Variants in LTN1 observed in about 807,000 individuals in gnomAD.
The protein encoded by LTN1 is listerin E3 ubiquitin protein ligase 1, also known as E3 ubiquitin-protein ligase listerin.
LTN1 carries 88 observed loss-of-function variants against 201.2 expected under a neutral mutation model. The ratio of observed to expected loss-of-function variants is 0.44; its 90% CI spans 0.37 to 0.52. LTN1 has a LOEUF of 0.52. LTN1 is among the 20% of genes least tolerant of loss of function. The pLI is 0.00. For missense variants in LTN1, 1,752 were observed against 2,038.7 expected (o/e 0.86, Z 2.71); for synonymous variants, 645 against 713.5 (o/e 0.90, Z 1.53).
chr21:28,940,509 T>C (rs1294204362), intron 25 of LTN1, among the ~76,000 whole-genome samples: 1 of 152,016 alleles, frequency 6.6e-6, no homozygotes, highest in Non-Finnish European at 1.5e-5. Flanking sequence ...TCAAGTAAGG[T>C]AAATTTCCAA....
At position 28,943,342 on chromosome 21, in the gene LTN1, A is replaced by G; in HGVS notation, c.4221-6T>C. On this transcript the variant is annotated splice_polypyrimidine_tract_variant and splice_region_variant and intron_variant, in intron 23 of 29. Transcript: ENST00000361371. ...GTGGTAATTCAGGCATCAATCTAGA[A>G]ATTAGAACATTATTTTTAAATATGT... The G allele has an allele frequency of 1.3e-6, 2 of 1,537,292 alleles. No homozygotes were observed. Among genetic ancestry groups the G allele is most frequent in the African/African-American group, 1.4e-5 (1 of 73,240 alleles).
In LTN1 at chr21:28,941,353, T is replaced by C. The variant is rs1286122538; in HGVS notation, c.4349A>G (p.Glu1450Gly). 1 of 1,613,624 alleles carries C rather than the reference T, an allele frequency of 6.2e-7. No individual in the cohort carries two copies. Among genetic ancestry groups the C allele is most frequent in the Non-Finnish European group, 8.5e-7 (1 of 1,179,844 alleles). ...AACAGGAATACACCCCAAAACATTT[T>C]CTAGTAAGTCCTCTTGAATGCTAAG... is the stretch of plus-strand genomic sequence containing the variant. ...SLLSIQEDLLENVLGCIPVGQ... is the reference protein window; with the variant it reads ...SLLSIQEDLLGNVLGCIPVGQ... The change falls in exon 25 of 30, where the codon GAA becomes GGA. Residue 1450 changes from glutamate to glycine, a missense_variant. Coordinates refer to ENST00000361371, the MANE Select transcript of LTN1 (RefSeq NM_015565.3).
At chr21:28,932,006 A>G (rs1427857668) in intron 28 of LTN1, among the ~76,000 whole-genome samples, 1 of 152,218 alleles carries the variant, frequency 6.6e-6, no homozygotes, top group African/African-American at 2.4e-5. Context: ...CTCTTAAAAA[A>G]AAAAAGTTTT....
At position 28,944,381 on chromosome 21, in the gene LTN1, G is replaced by C; in HGVS notation, c.3982+2C>G. 6.2e-7 allele frequency: 1 copy of C among 1,603,784 alleles called. No individual in the cohort carries two copies. Among genetic ancestry groups the C allele is most frequent in the Non-Finnish European group, 8.5e-7 (1 of 1,171,690 alleles). The stretch of plus-strand genomic sequence containing the variant: ...CTCACTATTATTCCCTTTTTCACTT[G>C]CCTGTAACAGTCACCAAAATAGGTA... On this transcript the variant is annotated splice_donor_variant, in intron 22 of 29. Coordinates refer to ENST00000361371, the MANE Select transcript of LTN1 (RefSeq NM_015565.3). LOFTEE classifies it high-confidence loss of function.
chr21:28,971,261 T>C lies in LTN1; in HGVS notation c.984+10A>G. 6.2e-7 allele frequency: 1 copy of C among 1,605,908 alleles called. No individual in the cohort carries two copies. Among genetic ancestry groups the C allele is most frequent in the Non-Finnish European group, 8.5e-7 (1 of 1,175,352 alleles). On this transcript the variant is annotated intron_variant, in intron 7 of 29. Transcript: ENST00000361371. ...TTCCTCAGTGTACTAAATGTGCCTC[T>C]CTTACATACCTCAATAGTTGTAAGT...
At chr21:28,948,191 C>CAAAA (rs531979859) in intron 18 of LTN1, among the ~76,000 whole-genome samples, 1 of 73,160 alleles carries the variant, frequency 1.4e-5, no homozygotes, top group Non-Finnish European at 2.7e-5. Context: ...AACTCTGTTT[C>CAAAA]AAAAAAAAAA....
At chr21:28,951,432 T>C (rs993504815) in intron 18 of LTN1, among the ~76,000 whole-genome samples, 3 of 152,186 alleles carry the variant, frequency 2.0e-5, no homozygotes, top group Non-Finnish European at 4.4e-5. Context: ...ACACATTTGT[T>C]ACATTTCTAG....
chr21:28,988,078 G>C (rs548536911), intron 1 of LTN1, among the ~76,000 whole-genome samples: 1 of 145,508 alleles, frequency 6.9e-6, no homozygotes, highest in East Asian at 2.0e-4. Flanking sequence ...GAAGGCAGAG[G>C]TTGCAATGAG....
Position 28,971,348 on chromosome 21 carries a change from G to A in LTN1, c.907C>T (p.Leu303Phe), listed in dbSNP as rs779814102. The A allele has an allele frequency of 6.2e-7, 1 of 1,613,772 alleles. No homozygotes were observed. The highest frequency in any genetic ancestry group is 8.5e-7 in the Non-Finnish European group (1 of 1,179,660). The change falls in exon 7 of 30, where the codon CTT (leucine) becomes TTT (phenylalanine). Residue 303 changes from leucine (L) to phenylalanine (F), a missense_variant. This residue lies in a region of LTN1 where 280 missense variants were observed against 375.7 expected (regional missense o/e 0.75). Coordinates refer to ENST00000361371, the MANE Select transcript of LTN1 (RefSeq NM_015565.3). ...EASKVSPSVL[L>F]SIDDSDPIVC... The stretch of plus-strand genomic sequence containing the variant: ...ATTGGGTCACTGTCATCAATGCTAA[G>A]TAGAACTGATGGGCTCACTTTGGAT...
intron 6 of LTN1, among the ~76,000 whole-genome samples, chr21:28,973,577 A>G (rs1375278757): frequency 1.3e-5 from 2 of 152,158 alleles, no homozygotes; most frequent in African/African-American, 4.8e-5. Context: ...TAAAGACAGC[A>G]AACTTCTAGC....
At chr21:28,984,986 C>T (rs2245434) in intron 3 of LTN1, 64 bp from the exon 4 acceptor site, 1,066,467 of 1,202,008 alleles carry the variant, frequency 0.89, 475,310 homozygotes, top group African/African-American at 0.97. Flanking sequence ...CAGACATTTC[C>T]GGATATGCTA....
In LTN1 at chr21:28,931,880, T is replaced by A. The variant is rs1601158070; in HGVS notation, c.5071-558A>T. Among the ~76,000 whole-genome samples the A allele has an allele frequency of 2.6e-5, 4 of 152,190 alleles. No homozygotes were observed. The South Asian group carries it at 8.3e-4, about 32-fold the overall frequency. Reference sequence around the variant, plus strand: ...TTAGCCAGGTGTGGTGGCGGGTGCCTGTAATCCCAGCTACTCTGGAAGCTG... The same window carrying A: ...TTAGCCAGGTGTGGTGGCGGGTGCCAGTAATCCCAGCTACTCTGGAAGCTG... On this transcript the variant is annotated intron_variant, in intron 28 of 29. Coordinates refer to ENST00000361371, the MANE Select transcript of LTN1 (RefSeq NM_015565.3).
chr21:28,974,441 AC>A (rs940035175), intron 6 of LTN1, among the ~76,000 whole-genome samples: 2 of 152,182 alleles, frequency 1.3e-5, no homozygotes, highest in Non-Finnish European at 2.9e-5. Context: ...AAAAACAACT[AC>A]CTGAGGACTC....
intron 1 of LTN1, among the ~76,000 whole-genome samples, chr21:28,991,944 G>A (rs1252157168): frequency 6.6e-6 from 1 of 152,154 alleles, no homozygotes; most frequent in African/African-American, 2.4e-5. Flanking sequence ...CTTTAAGGTC[G>A]TCCTTAAGCA....
chr21:28,940,231 G>C (rs1046797985), intron 25 of LTN1, among the ~76,000 whole-genome samples: 9 of 152,174 alleles, frequency 5.9e-5, no homozygotes, highest in African/African-American at 1.9e-4. Flanking sequence ...CCAGGCTTGA[G>C]TGCAGTGGCA....
chr21:28,985,936 C>T (rs1020510844), intron 3 of LTN1, among the ~76,000 whole-genome samples: 6 of 152,184 alleles, frequency 3.9e-5, no homozygotes, highest in African/African-American at 1.4e-4. Flanking sequence ...GCTGGGATTA[C>T]AGGCATGAGC....
intron 13 of LTN1, among the ~76,000 whole-genome samples, chr21:28,959,037 T>C (rs974631239): frequency 6.6e-6 from 1 of 152,204 alleles, no homozygotes; most frequent in African/African-American, 2.4e-5. Flanking sequence ...AATTAGCATA[T>C]AAGGCAAGAA....
At chr21:28,948,532 CA>C (rs2084359330) in intron 18 of LTN1, among the ~76,000 whole-genome samples, 1 of 151,758 alleles carries the variant, frequency 6.6e-6, no homozygotes, top group Non-Finnish European at 1.5e-5. Context: ...CTTGGCCTCC[CA>C]AAGTGCTGGG....
Position 28,931,196 on chromosome 21 carries a change from CT to C in LTN1, c.5196del (p.Ala1733ProfsTer44). 1 of 1,613,226 alleles carries C rather than the reference CT, an allele frequency of 6.2e-7. No homozygotes were observed. The highest frequency in any genetic ancestry group is 8.5e-7 in the Non-Finnish European group (1 of 1,179,702). ...AATTTTTTCTTGCATGTTCTACAGG[CT>C]TTTTTGGGAAGGGAATAGTTGAAAC... ...IHGFNYSLPKKACRTCKKKFH... is the reference protein window; with the variant it reads ...IHGFNYSLPKXACRTCKKKFH... On this transcript the variant is annotated frameshift_variant, in exon 29 of 30. Transcript: ENST00000361371. LOFTEE classifies it high-confidence loss of function.
Sources: gnomAD v4.1 joint callset for allele counts (sites outside exome capture counted in the v4.1 genomes callset) on GRCh38, gnomAD v4.1.1 for gene constraint, gnomAD v4.1.1 regional missense constraint, MANE v1.5 for transcripts, NCBI Gene and HGNC (gene_info 2026-07-23, HGNC 2026-07-21) for gene names.